Variants in CIMIP6 observed in about 807,000 individuals in gnomAD.
CIMIP6 encodes the protein ciliary microtubule inner protein 6, also known as uncharacterized protein C2orf73.
At chr2:54,340,919 C>A in the CIMIP6 span, among the ~76,000 whole-genome samples, 2 of 152,086 alleles carry the variant, frequency 1.3e-5, no homozygotes, top group Non-Finnish European at 2.9e-5. Context: ...GAGTTGTAAT[C>A]GTACCACTAT....
the CIMIP6 span, among the ~76,000 whole-genome samples, chr2:54,377,774 G>T: frequency 2.6e-5 from 4 of 152,168 alleles, no homozygotes; most frequent in East Asian, 7.7e-4. Flanking sequence ...GATGAGGAAA[G>T]GCACAGATGT....
chr2:54,363,709 A>G, the CIMIP6 span, among the ~76,000 whole-genome samples: 40,723 of 152,084 alleles, frequency 0.27, 5,932 homozygotes, highest in Non-Finnish European at 0.31. Flanking sequence ...GGATTTCATT[A>G]TCTATATTTA....
At chr2:54,374,089 G>C in the CIMIP6 span, among the ~76,000 whole-genome samples, 14 of 152,164 alleles carry the variant, frequency 9.2e-5, no homozygotes, top group African/African-American at 3.4e-4. Context: ...AGACTCCTGA[G>C]GTCAGCAGTG....
the CIMIP6 span, chr2:54,381,927 G>A: frequency 9.0e-6 from 14 of 1,549,980 alleles, no homozygotes; most frequent in South Asian, 2.4e-5. Context: ...GAGAGATCAC[G>A]GGCATGTTTT....
chr2:54,375,885 G>GGTGTGTGT, the CIMIP6 span, among the ~76,000 whole-genome samples: 1,272 of 150,226 alleles, frequency 8.5e-3, 16 homozygotes, highest in South Asian at 0.016. Context: ...TCATATAGGG[G>GGTGTGTGT]GTGTGTGTGT....
the CIMIP6 span, among the ~76,000 whole-genome samples, chr2:54,350,473 G>T: frequency 6.6e-6 from 1 of 152,176 alleles, no homozygotes; most frequent in Non-Finnish European, 1.5e-5. Flanking sequence ...CCTTCTCCAG[G>T]TGGTCACTCC....
chr2:54,381,014 T>C, the CIMIP6 span, among the ~76,000 whole-genome samples: 1 of 152,236 alleles, frequency 6.6e-6, no homozygotes, highest in African/African-American at 2.4e-5. Context: ...ACTGTATTCC[T>C]ATTTCTGAGT....
the CIMIP6 span, among the ~76,000 whole-genome samples, chr2:54,371,484 T>A: frequency 1.3e-5 from 2 of 152,188 alleles, no homozygotes; most frequent in Non-Finnish European, 2.9e-5. Flanking sequence ...CATGCATTGA[T>A]GAGTTTGGTC....
At chr2:54,375,424 G>A in the CIMIP6 span, among the ~76,000 whole-genome samples, 1 of 152,136 alleles carries the variant, frequency 6.6e-6, no homozygotes, top group Non-Finnish European at 1.5e-5. Context: ...AAATACAAAT[G>A]TTCCCCTATA....
At chr2:54,334,575 G>A in the CIMIP6 span, among the ~76,000 whole-genome samples, 1 of 152,112 alleles carries the variant, frequency 6.6e-6, no homozygotes, top group Non-Finnish European at 1.5e-5. Flanking sequence ...ATAAGAGTTG[G>A]TGCACTGCAC....
At chr2:54,359,712 CA>C in the CIMIP6 span, among the ~76,000 whole-genome samples, 1 of 151,808 alleles carries the variant, frequency 6.6e-6, no homozygotes, top group Non-Finnish European at 1.5e-5. Context: ...TTTATAAAGC[CA>C]AATAGAAATG....
the CIMIP6 span, among the ~76,000 whole-genome samples, chr2:54,381,252 C>A: frequency 3.9e-5 from 6 of 152,168 alleles, no homozygotes; most frequent in Admixed American, 3.9e-4. Context: ...ATATTACCAA[C>A]CTCTATGCCT....
chr2:54,376,142 C>G, the CIMIP6 span, among the ~76,000 whole-genome samples: 1 of 152,038 alleles, frequency 6.6e-6, no homozygotes, highest in African/African-American at 2.4e-5. Flanking sequence ...CTCAAGCAAT[C>G]CTCCTGCCTC....
chr2:54,358,036 A>G, the CIMIP6 span, among the ~76,000 whole-genome samples: 3 of 152,348 alleles, frequency 2.0e-5, no homozygotes, highest in Non-Finnish European at 4.4e-5. Flanking sequence ...AAATTATTTA[A>G]GATGTTAAAC....
chr2:54,365,213 C>T, the CIMIP6 span, among the ~76,000 whole-genome samples: 1 of 152,124 alleles, frequency 6.6e-6, no homozygotes, highest in African/African-American at 2.4e-5. Flanking sequence ...CTGAGCTATG[C>T]ACAGGAGTGG....
At chr2:54,348,618 G>A in the CIMIP6 span, among the ~76,000 whole-genome samples, 2 of 152,006 alleles carry the variant, frequency 1.3e-5, no homozygotes, top group African/African-American at 4.8e-5. Context: ...TCAGGTATTT[G>A]GATATTAGAT....
chr2:54,343,609 G>T, the CIMIP6 span: 1 of 681,554 alleles, frequency 1.5e-6, no homozygotes. Flanking sequence ...ATTAGTACTG[G>T]GATATCCACT....
the CIMIP6 span, among the ~76,000 whole-genome samples, chr2:54,368,499 G>A: frequency 6.6e-6 from 1 of 152,236 alleles, no homozygotes; most frequent in African/African-American, 2.4e-5. Context: ...CTGGCCCAAA[G>A]AGAGGTCTGG....
chr2:54,379,424 T>A, the CIMIP6 span, among the ~76,000 whole-genome samples: 1 of 152,204 alleles, frequency 6.6e-6, no homozygotes, highest in Admixed American at 6.5e-5. Flanking sequence ...TGGCCCTAGT[T>A]CATATGCAGA....
Sources: gnomAD v4.1 joint callset for allele counts (sites outside exome capture counted in the v4.1 genomes callset) on GRCh38, gnomAD v4.1.1 for gene constraint, MANE v1.5 for transcripts, NCBI Gene and HGNC (gene_info 2026-07-23, HGNC 2026-07-21) for gene names.